Variants in ANKRD36C observed in about 807,000 individuals in gnomAD.
ANKRD36C encodes ankyrin repeat domain-containing protein 36C.
Under a neutral mutation model 276.4 loss-of-function variants are expected in ANKRD36C, and 61 were observed. The observed-to-expected ratio is 0.22, with a 90% confidence interval of 0.18 to 0.27. The LOEUF is 0.27. Among genes scored for constraint, ANKRD36C ranks in the 10% least tolerant of loss-of-function variants. The pLI is 1.00. For missense variants in ANKRD36C, 1,447 were observed against 2,032.3 expected (o/e 0.71, Z 5.54); for synonymous variants, 483 against 680.1 (o/e 0.71, Z 4.51).
chr2:95,850,963 G>A (rs766725598), downstream of ANKRD36C, among the ~76,000 whole-genome samples: 5 of 152,118 alleles, frequency 3.3e-5, no homozygotes, highest in Non-Finnish European at 5.9e-5. Context: ...TAAAGCTATG[G>A]AACATGATGA....
intron 6 of ANKRD36C, among the ~76,000 whole-genome samples, chr2:95,969,709 T>A (rs1258535521): frequency 1.3e-5 from 2 of 152,192 alleles, no homozygotes; most frequent in Non-Finnish European, 2.9e-5. Context: ...TACATGGCAA[T>A]GCCTACTGCA....
intron 19 of ANKRD36C, among the ~76,000 whole-genome samples, chr2:95,941,517 T>C (rs931937377): frequency 1.3e-5 from 2 of 152,190 alleles, no homozygotes; most frequent in African/African-American, 4.8e-5. Context: ...ATTTTTAAAA[T>C]AGACAAGTGA....
chr2:95,859,360 A>G (rs993437537), intron 61 of ANKRD36C, among the ~76,000 whole-genome samples: 4 of 152,152 alleles, frequency 2.6e-5, no homozygotes, highest in African/African-American at 9.6e-5. Flanking sequence ...TATTCTGGGT[A>G]AAGAAAAATA....
At chr2:95,982,402 A>G in intron 3 of ANKRD36C, 40 bp from the exon 4 acceptor site, 1 of 1,463,386 alleles carries the variant, frequency 6.8e-7, no homozygotes, top group Non-Finnish European at 9.3e-7. Flanking sequence ...ACAAAATTAC[A>G]TATTTATCAA....
Position 95,912,477 on chromosome 2 carries a change from T to C in ANKRD36C, c.2552-42A>G, listed in dbSNP as rs567307356. ...ATACATAATCACTCACACGTAAATA[T>C]GATAAAGTTATCCATACATTCGCAC... On this transcript the variant is annotated intron_variant, in intron 40 of 66. Coordinates refer to ENST00000456556, the Ensembl canonical transcript of ANKRD36C. 2.7e-5 allele frequency: 43 copies of C among 1,603,942 alleles called. No individual in the cohort carries two copies. The Admixed American group carries it at 5.4e-4, about 20-fold the overall frequency.
chr2:95,852,873 C>T (rs1335940857), intron 64 of ANKRD36C: 2 of 152,206 alleles, frequency 1.3e-5, no homozygotes, highest in Non-Finnish European at 2.9e-5. Context: ...TTGACTCTCC[C>T]ATTGAATAGC....
chr2:95,933,767 T>C (rs905312512), intron 24 of ANKRD36C, among the ~76,000 whole-genome samples: 1 of 152,300 alleles, frequency 6.6e-6, no homozygotes, highest in African/African-American at 2.4e-5. Context: ...CTTTATTTTT[T>C]CCTCTTGTCT....
intron 34 of ANKRD36C, 66 bp downstream of exon 34, chr2:95,921,541 T>C (rs1677268441): frequency 6.4e-7 from 1 of 1,551,664 alleles, no homozygotes; most frequent in Non-Finnish European, 8.7e-7. Context: ...CACTGATTTA[T>C]TCGGGGTAGA....
chr2:95,920,697 A>C (rs1425521855), intron 34 of ANKRD36C, among the ~76,000 whole-genome samples: 1 of 135,952 alleles, frequency 7.4e-6, no homozygotes, highest in African/African-American at 2.6e-5. Flanking sequence ...TCATTCAGAA[A>C]TCACTGCAAT....
intron 44 of ANKRD36C, 109 bp from the exon 61 acceptor site, chr2:95,895,699 A>C (rs1319736286): frequency 2.9e-5 from 44 of 1,528,956 alleles, no homozygotes; most frequent in East Asian, 9.7e-5. Flanking sequence ...GTATTAGTGG[A>C]GGCTTTCATG....
intron 6 of ANKRD36C, among the ~76,000 whole-genome samples, chr2:95,965,682 T>C (rs2918862): frequency 1.3e-5 from 2 of 152,130 alleles, no homozygotes; most frequent in African/African-American, 2.4e-5. Flanking sequence ...GGTATCAACA[T>C]GAAGAGAGCA....
chr2:95,902,711 T>C (rs543224319), intron 42 of ANKRD36C, among the ~76,000 whole-genome samples, 175 bp downstream of exon 54: 3 of 150,482 alleles, frequency 2.0e-5, no homozygotes, highest in African/African-American at 7.3e-5. Context: ...ACTGCGAAGA[T>C]CATGTTCCAG....
chr2:95,938,054 C>T (rs1461976362), intron 22 of ANKRD36C, among the ~76,000 whole-genome samples: 2 of 152,062 alleles, frequency 1.3e-5, no homozygotes, highest in Admixed American at 1.3e-4. Context: ...TTACAAAAGC[C>T]GAGTTGCAGC....
intron 42 of ANKRD36C, among the ~76,000 whole-genome samples, chr2:95,907,662 GTGTCT>G (rs1263528435): frequency 2.8e-5 from 4 of 142,238 alleles, no homozygotes; most frequent in African/African-American, 7.9e-5. Context: ...CATCATTCTT[GTGTCT>G]AAAATACTCT....
intron 24 of ANKRD36C, among the ~76,000 whole-genome samples, chr2:95,930,219 T>C (rs2918911): frequency 0.01 from 1,563 of 151,726 alleles, 11 homozygotes; most frequent in Non-Finnish European, 0.016. Context: ...TGCATATTCA[T>C]GTTTATCTCA....
chr2:95,959,492 C>A (rs1678406789), intron 10 of ANKRD36C, among the ~76,000 whole-genome samples: 1 of 152,194 alleles, frequency 6.6e-6, no homozygotes, highest in South Asian at 2.1e-4. Flanking sequence ...TATAATAAAC[C>A]ATCAAATTTG....
chr2:95,874,249 GGAGGCATCACGCTA>G (rs1174572294), intron 59 of ANKRD36C, among the ~76,000 whole-genome samples: 1 of 152,130 alleles, frequency 6.6e-6, no homozygotes, highest in Non-Finnish European at 1.5e-5. Context: ...GAACAAAGCT[GGAGGCATCACGCTA>G]CCTGACTTCA....
intron 58 of ANKRD36C, among the ~76,000 whole-genome samples, chr2:95,877,255 T>C (rs999673776): frequency 6.6e-6 from 1 of 152,094 alleles, no homozygotes; most frequent in Non-Finnish European, 1.5e-5. Flanking sequence ...CTCTTCTTTA[T>C]ATCTAAAATA....
At chr2:95,903,270 G>A (rs1287034976) in intron 42 of ANKRD36C, among the ~76,000 whole-genome samples, 189 bp from the exon 53 acceptor site, 2 of 150,454 alleles carry the variant, frequency 1.3e-5, no homozygotes, top group African/African-American at 2.4e-5. Flanking sequence ...CAGGCTCCAC[G>A]AAATATAGTC....
Sources: gnomAD v4.1 joint callset for allele counts (sites outside exome capture counted in the v4.1 genomes callset) on GRCh38, gnomAD v4.1.1 for gene constraint, MANE v1.5 for transcripts, NCBI Gene and HGNC (gene_info 2026-07-23, HGNC 2026-07-21) for gene names.